PAPPA: variants seen among roughly 807,000 people sequenced by gnomAD.
PAPPA encodes the protein pappalysin 1.
Under a neutral mutation model 164.0 loss-of-function variants are expected in PAPPA, and 60 were observed. The observed-to-expected ratio is 0.37, with a 90% confidence interval of 0.30 to 0.45. The LOEUF (loss-of-function observed/expected upper bound fraction) is 0.45. Among genes scored for constraint, PAPPA ranks in the 20% least tolerant of loss-of-function variants. The probability of loss-of-function intolerance (pLI) is 1.00; values close to 1 mark genes in which losing one functional copy is unlikely to be tolerated. For missense variants in PAPPA, 1,782 were observed against 2,087.3 expected (o/e 0.85, Z 2.85); for synonymous variants, 875 against 814.1 (o/e 1.07, Z -1.27).
chr9:116,331,423 G>A, intron 11 of PAPPA, 66 bp downstream of exon 11: 1 of 929,568 alleles, frequency 1.1e-6, no homozygotes, highest in Admixed American at 1.8e-5. Flanking sequence ...TGACTCCCAT[G>A]ACCCTTTCTG....
At chr9:116,252,187 C>G (rs944851344) in intron 7 of PAPPA, among the ~76,000 whole-genome samples, 1 of 152,162 alleles carries the variant, frequency 6.6e-6, no homozygotes, top group Admixed American at 6.5e-5. Context: ...TACACAATTG[C>G]TCCTTTCAGA....
intron 8 of PAPPA, among the ~76,000 whole-genome samples, chr9:116,268,143 G>A (rs1185360212): frequency 6.6e-6 from 1 of 152,130 alleles, no homozygotes; most frequent in Non-Finnish European, 1.5e-5. Context: ...GCATTATGGT[G>A]CAAATCAGCT....
chr9:116,154,299 G>C lies in PAPPA; in HGVS notation c.127G>C (p.Gly43Arg), dbSNP rs1297910313. Residue 43 changes from glycine to arginine, a missense_variant, in exon 1 of 22, where the codon GGC becomes CGC. This residue lies in a region of PAPPA where 458 missense variants were observed against 430.3 expected (regional missense o/e 1.06). Coordinates refer to ENST00000328252, the MANE Select transcript of PAPPA (RefSeq NM_002581.5). The surrounding 1 kb of genome is among the most constrained non-coding windows in gnomAD (Gnocchi z 5.2). The part of the protein sequence containing the change: ...RAGRPPRPAA[G>R]PATCATRAAR... ...CGGCCGACCCCCGCGCCCCGCCGCC[G>C]GCCCGGCCACCTGCGCCACCCGGGC... is the stretch of plus-strand genomic sequence containing the variant. The C allele has an allele frequency of 4.2e-6, 4 of 953,198 alleles. No homozygotes were observed. Among genetic ancestry groups the C allele is most frequent in the Non-Finnish European group, 5.0e-6 (4 of 802,996 alleles). 59.0% of individuals were successfully genotyped at this position (953,198 alleles called of 1,614,324 possible).
chr9:116,265,736 T>G (rs373144970), intron 7 of PAPPA, 121 bp from the exon 8 acceptor site: 44 of 721,466 alleles, frequency 6.1e-5, no homozygotes, highest in East Asian at 4.1e-4. Flanking sequence ...TAGCTAAATG[T>G]GCATTTGATT....
chr9:116,307,671 A>G (rs893626917), intron 10 of PAPPA, among the ~76,000 whole-genome samples: 4 of 152,190 alleles, frequency 2.6e-5, no homozygotes, highest in Non-Finnish European at 4.4e-5. Context: ...ACATTAATTT[A>G]TTTATTCACT....
At position 116,252,945 on chromosome 9, in the gene PAPPA, A is replaced by G. The variant is rs1323365134; in HGVS notation, c.2733-12912A>G. Among the ~76,000 whole-genome samples, 3 of 152,166 alleles carry G rather than the reference A, an allele frequency of 2.0e-5. No individual in the cohort carries two copies. The East Asian group carries it at 5.8e-4, about 29-fold the overall frequency. ...GATATGTGTGCTTTCTCAAACTATT[A>G]ATTCATTCAACAGATATTGCTGAGA... is the stretch of plus-strand genomic sequence containing the variant. On this transcript the variant is annotated intron_variant, in intron 7 of 21. Transcript: ENST00000328252.
intron 1 of PAPPA, among the ~76,000 whole-genome samples, chr9:116,184,946 G>T (rs1843952059): frequency 6.6e-6 from 1 of 152,140 alleles, no homozygotes; most frequent in Admixed American, 6.5e-5. Context: ...AAACAGTTCG[G>T]CAGAGAGGGG....
intron 9 of PAPPA, among the ~76,000 whole-genome samples, chr9:116,296,937 C>T (rs539786484): frequency 2.0e-5 from 3 of 152,144 alleles, no homozygotes; most frequent in African/African-American, 7.2e-5. Context: ...TCACTGCAAC[C>T]TCCACCTCCC....
chr9:116,389,199 C>T (rs1026883815), intron 21 of PAPPA, among the ~76,000 whole-genome samples: 2 of 143,146 alleles, frequency 1.4e-5, no homozygotes, highest in Non-Finnish European at 3.0e-5. Context: ...GTGGCATAAT[C>T]TTGGCTCACT....
rs3761844 is a variant in PAPPA, at chr9:116,347,258, C to G, written c.3964+49C>G. 1 of 1,517,844 alleles carries G rather than the reference C, an allele frequency of 6.6e-7. No homozygotes were observed. Among genetic ancestry groups the G allele is most frequent in the Non-Finnish European group, 8.9e-7 (1 of 1,121,728 alleles). The allele number at this position is 1,517,844 out of a possible 1,614,324, so 94.0% of individuals were successfully genotyped here. ...TCAGCCTTCCTTTGTCTATGGGAAA[C>G]CTAGAAGCTGCATCCAGGCCCTCTT... is the stretch of plus-strand genomic sequence containing the variant. On this transcript the variant is annotated intron_variant, in intron 15 of 21. Coordinates refer to ENST00000328252, the MANE Select transcript of PAPPA (RefSeq NM_002581.5). The surrounding 1 kb of genome is among the most constrained non-coding windows in gnomAD (Gnocchi z 4.5).
At chr9:116,263,336 G>C (rs1298188018) in intron 7 of PAPPA, among the ~76,000 whole-genome samples, 2 of 152,160 alleles carry the variant, frequency 1.3e-5, no homozygotes, top group Non-Finnish European at 2.9e-5. Context: ...CCTGGAAAGA[G>C]AGCAAGCTGC....
intron 21 of PAPPA, among the ~76,000 whole-genome samples, chr9:116,387,805 C>G (rs1846835609): frequency 6.6e-6 from 1 of 152,236 alleles, no homozygotes; most frequent in Admixed American, 6.5e-5. Context: ...CAGCACCTGC[C>G]TCTAACCCCT....
At chr9:116,261,300 C>T (rs1221402133) in intron 7 of PAPPA, among the ~76,000 whole-genome samples, 4 of 151,998 alleles carry the variant, frequency 2.6e-5, no homozygotes, top group Non-Finnish European at 4.4e-5. Context: ...CAATGATAAA[C>T]GAATGCTATG....
rs777500715 is a variant in PAPPA at position 116,312,275 on chromosome 9, CT to C, written c.3147+9329del. 4.0e-3 allele frequency among the ~76,000 whole-genome samples: 556 copies of C among 139,232 alleles called. 3 individuals are homozygous for C. Among genetic ancestry groups the C allele is most frequent in the Non-Finnish European group, 6.3e-3 (407 of 64,664 alleles). The allele number at this position is 139,232 out of a possible 152,430, so 91.3% of individuals were successfully genotyped here. On this transcript the variant is annotated intron_variant, in intron 10 of 21. Transcript: ENST00000328252. ...TTGTTCTTGTCTTTCATTTTCTTTT[CT>C]TTTCTTTCTTTCTTTTTTTTTTTTT...
chr9:116,302,400 T>C (rs538400440), intron 9 of PAPPA, among the ~76,000 whole-genome samples: 1 of 152,264 alleles, frequency 6.6e-6, no homozygotes, highest in Admixed American at 6.5e-5. Context: ...TCCCCCGAGA[T>C]CCTGGAAACC....
At chr9:116,298,142 C>T (rs867831392) in intron 9 of PAPPA, among the ~76,000 whole-genome samples, 2 of 152,174 alleles carry the variant, frequency 1.3e-5, no homozygotes, top group East Asian at 1.9e-4. Flanking sequence ...ATGGGAATAA[C>T]GATCTCTGTG....
intron 21 of PAPPA, among the ~76,000 whole-genome samples, chr9:116,391,045 G>A (rs762826804): frequency 3.3e-5 from 5 of 152,098 alleles, no homozygotes; most frequent in Admixed American, 6.5e-5. Context: ...GTAACTTGCC[G>A]GATAGCATAC....
chr9:116,222,229 C>T (rs545041661), intron 5 of PAPPA, among the ~76,000 whole-genome samples: 61 of 152,298 alleles, frequency 4.0e-4, no homozygotes, highest in Admixed American at 3.3e-3. Context: ...AGGAGTCCAT[C>T]ATCAGATGAA....
At chr9:116,356,654 T>A (rs890739901) in intron 17 of PAPPA, among the ~76,000 whole-genome samples, 2 of 152,246 alleles carry the variant, frequency 1.3e-5, no homozygotes, top group African/African-American at 2.4e-5. Context: ...TTGTCAAAGA[T>A]CAGATGGTTG....
Sources: allele counts gnomAD v4.1 joint callset (sites outside exome capture counted in the v4.1 genomes callset), GRCh38; gene constraint gnomAD v4.1.1; regional missense constraint gnomAD v4.1.1; non-coding constraint Gnocchi (gnomAD v3.1); transcripts MANE v1.5; gene names NCBI Gene and HGNC (gene_info 2026-07-23, HGNC 2026-07-21).